The following SEMA4C variants were observed in gnomAD, a reference collection of about 807,000 sequenced individuals.
The protein encoded by SEMA4C is semaphorin 4C, also known as semaphorin-4C.
In SEMA4C, 19 loss-of-function variants were observed where a neutral mutation model predicts 89.0. The observed-to-expected ratio is 0.21, with a 90% CI of 0.15 to 0.31. The LOEUF is 0.31. Ranked by LOEUF, SEMA4C falls within the 10% of genes least tolerant of loss-of-function variation. The pLI, the probability that SEMA4C is intolerant of heterozygous loss-of-function variation, is 1.00. For missense variants in SEMA4C, 811 were observed against 1,107.0 expected (o/e 0.73, Z 3.79); for synonymous variants, 428 against 472.7 (o/e 0.91, Z 1.23).
chr2:96,864,159 G>C lies in SEMA4C; in HGVS notation c.1108-11C>G, dbSNP rs1293422919. 6.2e-7 allele frequency: 1 copy of C among 1,612,750 alleles called. No homozygotes were observed. ...CCAGTTGTTAATGCACTGGGGGCAG[G>C]GTGTGGGGGGCAGGCCATCAGCAGG... On this transcript the variant is annotated splice_polypyrimidine_tract_variant and intron_variant, in intron 10 of 14. Coordinates refer to ENST00000305476, the MANE Select transcript of SEMA4C (RefSeq NM_017789.5). This position sits in a 1 kb window ranked among gnomAD's most constrained non-coding sequence, Gnocchi z 6.3.
intron 2 of SEMA4C, among the ~76,000 whole-genome samples, chr2:96,867,127 C>T (rs927571367): frequency 6.6e-5 from 10 of 152,178 alleles, no homozygotes; most frequent in South Asian, 6.2e-4. Context: ...ATATGGCTGC[C>T]GACCTGTCCT....
rs772008207 is a variant in SEMA4C at position 96,865,885 on chromosome 2, C to T, written c.303G>A (p.Gln101=). ...APVEKKTECI[Q]KGKNNQTECF... ...CACCCACCTGGTTGTTCTTCCCTTT[C>T]TGGATACACTCAGTCTTCTTCTCCA... is the stretch of plus-strand genomic sequence containing the variant. The change falls in exon 4 of 15, where the codon CAG becomes CAA. Residue 101 remains glutamine, a synonymous_variant. Transcript: ENST00000305476. 2 of 1,614,122 alleles carry T rather than the reference C, an allele frequency of 1.2e-6. No homozygotes were observed. Among genetic ancestry groups the T allele is most frequent in the Admixed American group, 1.7e-5 (1 of 60,022 alleles).
At chr2:96,862,244 G>C (rs1310487901) in intron 12 of SEMA4C, 3 of 240,790 alleles carry the variant, frequency 1.2e-5, no homozygotes, top group Non-Finnish European at 2.4e-5. Flanking sequence ...CCTCACAACA[G>C]CAGCAGCATA....
intron 2 of SEMA4C, chr2:96,866,692 G>A (rs539551336): frequency 9.5e-6 from 6 of 631,108 alleles, no homozygotes; most frequent in East Asian, 3.2e-5. Context: ...CCGGCCAGAG[G>A]AAGCCATCAG....
rs766255435 is a variant in SEMA4C at position 96,860,722 on chromosome 2, G to A, written c.2406C>T (p.Leu802=). The change falls in exon 15 of 15, where the codon CTC becomes CTT. Residue 802 remains leucine, a synonymous_variant. Transcript: ENST00000305476. ...CCGCGAGCTCAGGCAGGGGGTGCCCGAGCCCTCCCCGGTCCTCCCCTCCTA... is the reference window on the plus strand; with the variant it reads ...CCGCGAGCTCAGGCAGGGGGTGCCCAAGCCCTCCCCGGTCCTCCCCTCCTA... The part of the protein sequence containing the change: ...LQLGGEDRGG[L]GHPLPELADE... 1.6e-5 allele frequency: 26 copies of A among 1,613,658 alleles called. No individual in the cohort carries two copies. Among genetic ancestry groups the A allele is most frequent in the African/African-American group, 1.6e-4 (12 of 74,922 alleles).
chr2:96,869,174 C>T, intron 1 of SEMA4C: 3 of 985,404 alleles, frequency 3.0e-6, no homozygotes, highest in Non-Finnish European at 3.6e-6. Context: ...GCGGCCTCAT[C>T]TCGGCTCCTT....
Position 96,860,508 on chromosome 2 carries a change from G to A in SEMA4C, c.*118C>T. On this transcript the variant is annotated 3_prime_UTR_variant, in exon 15 of 15. Coordinates refer to ENST00000305476, the MANE Select transcript of SEMA4C (RefSeq NM_017789.5). ...GGTCCTCATGGCCGGGTGGGTGCTG[G>A]GCAGTATCTGTCCCAGACAGAGCAG... 1.1e-6 allele frequency: 1 copy of A among 921,470 alleles called. No homozygotes were observed. Among genetic ancestry groups the A allele is most frequent in the South Asian group, 1.7e-5 (1 of 58,370 alleles). The allele number at this position is 921,470 out of a possible 1,614,324, so 57.1% of individuals were successfully genotyped here.
In SEMA4C at chr2:96,870,012, C is replaced by A; in HGVS notation, c.-174G>T. 2 of 985,800 alleles carry A rather than the reference C, an allele frequency of 2.0e-6. No individual in the cohort carries two copies. Among genetic ancestry groups the A allele is most frequent in the South Asian group, 9.1e-5 (2 of 22,044 alleles). 61.1% of individuals were successfully genotyped at this position (985,800 alleles called of 1,614,324 possible). A position where few individuals can be genotyped will look rare whatever the true frequency, so the allele number is the denominator to read the frequency against. The stretch of plus-strand genomic sequence containing the variant: ...GGCCTCTCTGCCACCGCCCCTCCGT[C>A]CCCGCCCGGCTCCGCGCCCCTAGGC... On this transcript the variant is annotated 5_prime_UTR_variant, in exon 1 of 15. Coordinates refer to ENST00000305476, the MANE Select transcript of SEMA4C (RefSeq NM_017789.5).
chr2:96,864,005 G>A lies in SEMA4C; in HGVS notation c.1251C>T (p.Gly417=), dbSNP rs1315404485. The change falls in exon 11 of 15, where the codon GGC becomes GGT. Residue 417 remains glycine (G), a synonymous_variant. Transcript: ENST00000305476. The surrounding 1 kb of genome is among the most constrained non-coding windows in gnomAD (Gnocchi z 6.3). ...CGGCCACCAGGTGGGTGAAGTTGGT[G>A]CCCTTCTTCACGAGCAGGGGGCGGC... ...RWSRPLLVKK[G]TNFTHLVADR... is the part of the protein sequence containing the mutation. 6.8e-6 allele frequency: 11 copies of A among 1,613,460 alleles called. No individual in the cohort carries two copies. The Admixed American group carries it at 1.8e-4, about 27-fold the overall frequency.
At chr2:96,869,803 C>A in intron 1 of SEMA4C, 73 bp downstream of exon 1, 4 of 985,344 alleles carry the variant, frequency 4.1e-6, no homozygotes, top group Non-Finnish European at 4.8e-6. Context: ...GCAGCCCCTG[C>A]CCAAGCAAAG....
chr2:96,860,552 T>G lies in SEMA4C; in HGVS notation c.*74A>C. 1.9e-4 allele frequency: 253 copies of G among 1,350,596 alleles called. No homozygotes were observed. Among genetic ancestry groups the G allele is most frequent in the Non-Finnish European group, 2.4e-4 (237 of 976,520 alleles). 83.7% of individuals were successfully genotyped at this position (1,350,596 alleles called of 1,614,324 possible). On this transcript the variant is annotated 3_prime_UTR_variant, in exon 15 of 15. Transcript: ENST00000305476. ...AGAGCAGGTGCCCGTGCCATGTCCC[T>G]GAGGTAGCTGGTGCCTGTGCAAAAG... is the stretch of plus-strand genomic sequence containing the variant.
rs1170672147 is a variant in SEMA4C at position 96,860,770 on chromosome 2, G to A, written c.2358C>T (p.Ala786=). ...LHLGGGRNSN[A]NGYVRLQLGG... is the part of the protein sequence containing the mutation. ...CTAGTTGTAAGCGCACGTAACCATT[G>A]GCATTTGAGTTCCGCCCACCCCCCA... Residue 786 remains alanine, a synonymous_variant, in exon 15 of 15, where the codon GCC becomes GCT. Coordinates refer to ENST00000305476, the MANE Select transcript of SEMA4C (RefSeq NM_017789.5). The A allele has an allele frequency of 1.9e-6, 3 of 1,613,908 alleles. No homozygotes were observed. In the East Asian group the frequency reaches 6.7e-5, roughly 36 times the overall value.
chr2:96,870,395 T>TC, upstream of SEMA4C: 1 of 444,812 alleles, frequency 2.2e-6, no homozygotes, highest in East Asian at 1.6e-4. Flanking sequence ...TTCTGAAGTG[T>TC]CCCCCGAAGA....
At chr2:96,868,557 G>A in intron 1 of SEMA4C, 1 of 985,868 alleles carries the variant, frequency 1.0e-6, no homozygotes, top group Non-Finnish European at 1.2e-6. Flanking sequence ...AAGGGGCCCA[G>A]CTTCCCGAGG....
rs2080130716 is a variant in SEMA4C, at chr2:96,868,416, C to T, written c.-37-493G>A. On this transcript the variant is annotated intron_variant, in intron 1 of 14. Transcript: ENST00000305476. ...GTCGGGAAAGCCCCAAAGGGGAAAC[C>T]TGGTGCGGCCGGCTGCGAGCGGAGG... 4 of 1,002,680 alleles carry T rather than the reference C, an allele frequency of 4.0e-6. No homozygotes were observed. The African/African-American group carries it at 5.2e-5, about 13-fold the overall frequency. The allele number at this position is 1,002,680 out of a possible 1,614,324, so 62.1% of individuals were successfully genotyped here.
chr2:96,864,385 G>C lies in SEMA4C; in HGVS notation c.963-3C>G. The C allele has an allele frequency of 6.2e-7, 1 of 1,613,204 alleles. No homozygotes were observed. The highest frequency in any genetic ancestry group is 8.5e-7 in the Non-Finnish European group (1 of 1,179,976). On this transcript the variant is annotated splice_polypyrimidine_tract_variant and splice_region_variant and intron_variant, in intron 9 of 14. Coordinates refer to ENST00000305476, the MANE Select transcript of SEMA4C (RefSeq NM_017789.5). This position sits in a 1 kb window ranked among gnomAD's most constrained non-coding sequence, Gnocchi z 6.3. Reference sequence around the variant, plus strand: ...TGGCCGACAGGTACATGTCACCCCTGTCACAGCGAGAGGGAGCCCAGGGTC... The same window carrying C: ...TGGCCGACAGGTACATGTCACCCCTCTCACAGCGAGAGGGAGCCCAGGGTC...
chr2:96,866,907 A>G (rs2080085475), intron 2 of SEMA4C: 3 of 321,944 alleles, frequency 9.3e-6, no homozygotes, highest in Non-Finnish European at 1.8e-5. Flanking sequence ...ACCCCAATCC[A>G]GGCTGCCAGA....
chr2:96,867,443 G>C (rs531184997), intron 2 of SEMA4C, among the ~76,000 whole-genome samples: 1 of 152,200 alleles, frequency 6.6e-6, no homozygotes, highest in South Asian at 2.1e-4. Flanking sequence ...GGGGGGCCTG[G>C]GGAGCCAGGG....
chr2:96,868,978 T>TCC lies in SEMA4C; in HGVS notation c.-38+896_-38+897dup, dbSNP rs2080145733. ...GACCTGCTCACCCCCAAACAAAGGG[T>TCC]CCCCGCCAAGACCCCGTCCCGGGTC... is the stretch of plus-strand genomic sequence containing the variant. On this transcript the variant is annotated intron_variant, in intron 1 of 14. Coordinates refer to ENST00000305476, the MANE Select transcript of SEMA4C (RefSeq NM_017789.5). 3.0e-6 allele frequency: 3 copies of TCC among 984,762 alleles called. No homozygotes were observed. In the African/African-American group the frequency reaches 5.3e-5, roughly 17 times the overall value. The allele number at this position is 984,762 out of a possible 1,614,324, so 61.0% of individuals were successfully genotyped here. A position where few individuals can be genotyped will look rare whatever the true frequency, so the allele number is the denominator to read the frequency against.
Sources: allele counts gnomAD v4.1 joint callset (sites outside exome capture counted in the v4.1 genomes callset), GRCh38; gene constraint gnomAD v4.1.1; non-coding constraint Gnocchi (gnomAD v3.1); transcripts MANE v1.5; gene names NCBI Gene and HGNC (gene_info 2026-07-23, HGNC 2026-07-21).